Variants in NR1H3 observed in about 807,000 individuals in gnomAD.
The protein encoded by NR1H3 is oxysterols receptor LXR-alpha.
NR1H3 carries 19 observed loss-of-function variants against 48.1 expected under a neutral mutation model. The ratio of observed to expected loss-of-function variants is 0.40; its 90% confidence interval spans 0.28 to 0.58. The LOEUF (loss-of-function observed/expected upper bound fraction) is 0.58, where lower values mean the gene tolerates loss of function less well. NR1H3 is among the 20% of genes least tolerant of loss of function. The pLI is 0.50. For synonymous variants in NR1H3, 232 were observed against 227.3 expected (o/e 1.02, Z -0.19); for missense variants, 486 against 595.9 (o/e 0.82, Z 1.92).
intron 9 of NR1H3, 73 bp from the exon 10 acceptor site, chr11:47,268,477 C>T: frequency 1.2e-6 from 2 of 1,602,732 alleles, no homozygotes; most frequent in South Asian, 1.1e-5. Flanking sequence ...TCACCTCTCC[C>T]ACAACTCCCC....
At chr11:47,260,965 A>G (rs1955784668) in intron 4 of NR1H3, among the ~76,000 whole-genome samples, 1 of 151,946 alleles carries the variant, frequency 6.6e-6, no homozygotes, top group Non-Finnish European at 1.5e-5. Flanking sequence ...AGCGCCTGTA[A>G]TCCCAGCTAC....
At chr11:47,268,109 G>A in intron 8 of NR1H3, 83 bp downstream of exon 8, 3 of 1,241,274 alleles carry the variant, frequency 2.4e-6, no homozygotes, top group East Asian at 2.4e-5. Context: ...TGGGGGGAGG[G>A]GGGTGGTGGC....
Position 47,262,026 on chromosome 11 carries a change from C to T in NR1H3, c.988+8C>T, listed in dbSNP as rs1955929481. On this transcript the variant is annotated splice_region_variant and intron_variant, in intron 7 of 9. Coordinates refer to ENST00000441012, the MANE Select transcript of NR1H3 (RefSeq NM_005693.4). ...AAGACTTTGCCAAAGCAGGTGAGAACTGAGATCACACAGGGATTGGGGTTG... is the reference window on the plus strand; with the variant it reads ...AAGACTTTGCCAAAGCAGGTGAGAATTGAGATCACACAGGGATTGGGGTTG... 1.3e-6 allele frequency: 2 copies of T among 1,595,908 alleles called. No individual in the cohort carries two copies. The highest frequency in any genetic ancestry group is 3.3e-5 in the Admixed American group (2 of 59,888).
At chr11:47,263,274 T>TTC (rs1193508177) in intron 7 of NR1H3, among the ~76,000 whole-genome samples, 1 of 151,164 alleles carries the variant, frequency 6.6e-6, no homozygotes, top group East Asian at 1.9e-4. Flanking sequence ...CTACTTTTTT[T>TTC]TTTTTTTTGA....
upstream of NR1H3, among the ~76,000 whole-genome samples, chr11:47,255,565 CTT>C (rs375629928): frequency 3.9e-5 from 3 of 76,976 alleles, no homozygotes; most frequent in South Asian, 1.6e-3. Context: ...TTCTTTCTTT[CTT>C]TCTTTCTTTC....
chr11:47,268,067 C>T (rs1340426727), intron 8 of NR1H3, 41 bp downstream of exon 8: 2 of 1,499,820 alleles, frequency 1.3e-6, no homozygotes, highest in Non-Finnish European at 1.9e-6. Context: ...GAGACTTACA[C>T]CAAGGAGGGC....
intron 6 of NR1H3, 68 bp downstream of exon 6, chr11:47,261,794 A>T: frequency 6.2e-7 from 1 of 1,610,364 alleles, no homozygotes; most frequent in Non-Finnish European, 8.5e-7. Context: ...GGGCCTCCAG[A>T]CATCGAGCTG....
chr11:47,250,239 T>G (rs950031630), intron 1 of NR1H3, among the ~76,000 whole-genome samples: 3 of 149,700 alleles, frequency 2.0e-5, no homozygotes, highest in African/African-American at 7.3e-5. Context: ...AGATCTCCTC[T>G]CTACAAAAAA....
intron 1 of NR1H3, among the ~76,000 whole-genome samples, chr11:47,249,462 G>T (rs1373247733): frequency 6.6e-6 from 1 of 152,130 alleles, no homozygotes; most frequent in Non-Finnish European, 1.5e-5. Context: ...TTAGAGTCAA[G>T]ACGTCATGTC....
upstream of NR1H3, among the ~76,000 whole-genome samples, chr11:47,255,680 C>CT (rs1260108893): frequency 8.1e-5 from 9 of 110,688 alleles, no homozygotes; most frequent in East Asian, 2.7e-4. Flanking sequence ...TTTCTTTCTT[C>CT]TTTTTTTTTG....
At chr11:47,268,156 A>C in intron 8 of NR1H3, 105 bp from the exon 9 acceptor site, 1 of 1,251,112 alleles carries the variant, frequency 8.0e-7, no homozygotes, top group Non-Finnish European at 1.2e-6. Flanking sequence ...TTATTTTAGG[A>C]TGAGAGAGCT....
chr11:47,265,112 G>T lies in NR1H3; in HGVS notation c.989-2801G>T, dbSNP rs189402587. Among the ~76,000 whole-genome samples the T allele has an allele frequency of 1.2e-3, 179 of 152,166 alleles. No individual in the cohort carries two copies. In the Middle Eastern group the frequency reaches 0.024, roughly 20 times the overall value. ...AGTTCGAGACCAGCCTGGCCCATAT[G>T]GCAAAACCCCATCTCTACTGAAAAT... On this transcript the variant is annotated intron_variant, in intron 7 of 9. Coordinates refer to ENST00000441012, the MANE Select transcript of NR1H3 (RefSeq NM_005693.4).
intron 1 of NR1H3, among the ~76,000 whole-genome samples, chr11:47,249,227 C>T (rs534693132): frequency 1.3e-5 from 2 of 152,028 alleles, no homozygotes; most frequent in Non-Finnish European, 2.9e-5. Flanking sequence ...CTCTCCACGC[C>T]CCTGCCTTTG....
chr11:47,253,932 T>G (rs1253396627), upstream of NR1H3, among the ~76,000 whole-genome samples: 1 of 152,126 alleles, frequency 6.6e-6, no homozygotes, highest in Non-Finnish European at 1.5e-5. Context: ...TGCTGATCAC[T>G]TCACTGCTTG....
chr11:47,248,392 G>A, upstream of NR1H3: 1 of 1,495,698 alleles, frequency 6.7e-7, no homozygotes. Context: ...CAACGTATGT[G>A]GTGGGGACAA....
upstream of NR1H3, among the ~76,000 whole-genome samples, chr11:47,255,545 CTTTCTTTCTTTCTTTCTTTCTTTCTT>C (rs1955015334): frequency 9.1e-4 from 91 of 99,868 alleles, no homozygotes; most frequent in Non-Finnish European, 1.4e-3. Context: ...CTTTCTTTTT[CTTTCTTTCTTTCTTTCTTTCTTTCTT>C]TCTTTCTTTC....
At chr11:47,266,646 CT>C (rs200913635) in intron 7 of NR1H3, among the ~76,000 whole-genome samples, 16,225 of 136,970 alleles carry the variant, frequency 0.12, 978 homozygotes, top group South Asian at 0.24. Context: ...TTTTCTTTTT[CT>C]TTTTTTTTTT....
upstream of NR1H3, among the ~76,000 whole-genome samples, chr11:47,254,950 CCTT>C (rs1232274688): frequency 6.6e-6 from 1 of 152,206 alleles, no homozygotes; most frequent in East Asian, 1.9e-4. Flanking sequence ...TGGCCCCCGT[CCTT>C]CTATGCTTTA....
intron 7 of NR1H3, among the ~76,000 whole-genome samples, chr11:47,265,068 C>T (rs545693669): frequency 2.6e-5 from 4 of 152,132 alleles, no homozygotes; most frequent in African/African-American, 7.2e-5. Context: ...CCGAGGCAGG[C>T]GGATCACCTG....
Sources: gnomAD v4.1 joint callset for allele counts (sites outside exome capture counted in the v4.1 genomes callset) on GRCh38, gnomAD v4.1.1 for gene constraint, MANE v1.5 for transcripts, NCBI Gene and HGNC (gene_info 2026-07-23, HGNC 2026-07-21) for gene names.